NEO1: variants seen among roughly 807,000 people sequenced by gnomAD.
NEO1 encodes the protein neogenin.
A neutral mutation model predicts 159.7 loss-of-function variants in NEO1; 63 were observed. The ratio of observed to expected loss-of-function variants is 0.39; its 90% CI spans 0.32 to 0.49. The LOEUF (loss-of-function observed/expected upper bound fraction) is 0.49. NEO1 is among the 20% of genes least tolerant of loss of function. NEO1 has a pLI of 0.85. For synonymous variants in NEO1, 633 were observed against 662.0 expected, an observed-to-expected ratio of 0.96 and a Z score of 0.67; for missense variants, 1,615 against 1,831.0, an observed-to-expected ratio of 0.88 and a Z score of 2.15.
rs1567281937 is a variant in NEO1, at chr15:73,135,883, T to TTTA, written c.879-8_879-7insTTA. 16 of 1,428,426 alleles carry TTTA rather than the reference T, an allele frequency of 1.1e-5. No individual in the cohort carries two copies. The highest frequency in any genetic ancestry group is 2.7e-5 in the Admixed American group (1 of 37,338). The allele number at this position is 1,428,426 out of a possible 1,614,324, so 88.5% of individuals were successfully genotyped here. A position where few individuals can be genotyped will look rare whatever the true frequency, so the allele number is the denominator to read the frequency against. ...TGTATCTTTTTTTTTTTTTTTTTTTTAACACAGCTCTGAAAGATTGGTATT... is the reference window on the plus strand; with the variant it reads ...TGTATCTTTTTTTTTTTTTTTTTTTTTTAAACACAGCTCTGAAAGATTGGTATT... On this transcript the variant is annotated splice_polypyrimidine_tract_variant and splice_region_variant and intron_variant, in intron 4 of 28. Coordinates refer to ENST00000261908, the MANE Select transcript of NEO1 (RefSeq NM_002499.4).
At chr15:73,202,668 T>A (rs897241557) in intron 7 of NEO1, among the ~76,000 whole-genome samples, 6 of 152,210 alleles carry the variant, frequency 3.9e-5, no homozygotes, top group Non-Finnish European at 7.3e-5. Flanking sequence ...ATTAACTATC[T>A]TAACTATTGT....
At chr15:73,257,804 A>T (rs1416484682) in intron 13 of NEO1, among the ~76,000 whole-genome samples, 1 of 152,188 alleles carries the variant, frequency 6.6e-6, no homozygotes, top group African/African-American at 2.4e-5. Flanking sequence ...GGATTCTTTC[A>T]AGATCTTCAT....
At chr15:73,244,528 C>G (rs375151438) in intron 9 of NEO1, 30 bp downstream of exon 9, 3 of 1,608,080 alleles carry the variant, frequency 1.9e-6, no homozygotes, top group African/African-American at 1.3e-5. Flanking sequence ...GTCAGCACCC[C>G]CTAGAGGTAG....
intron 4 of NEO1, 48 bp downstream of exon 4, chr15:73,126,618 T>A: frequency 1.3e-6 from 2 of 1,569,864 alleles, no homozygotes; most frequent in Non-Finnish European, 1.7e-6. Context: ...GCTTGAGACT[T>A]TGTCATATCC....
At chr15:73,295,415 C>G (rs185689788) in intron 26 of NEO1, among the ~76,000 whole-genome samples, 3 of 151,740 alleles carry the variant, frequency 2.0e-5, no homozygotes, top group African/African-American at 7.2e-5. Flanking sequence ...GAGTGGATGG[C>G]AGGCACCTTC....
rs118142307 is a variant in NEO1, at chr15:73,302,010, T to C, written c.4302+553T>C. ...AACATCTTAAATTAGCTTTTCACACTAGCCCAGCTAATGGCCCCTTCCCCC... is the reference window on the plus strand; with the variant it reads ...AACATCTTAAATTAGCTTTTCACACCAGCCCAGCTAATGGCCCCTTCCCCC... On this transcript the variant is annotated intron_variant, in intron 28 of 28. Transcript: ENST00000261908. Among the ~76,000 whole-genome samples the C allele has an allele frequency of 3.3e-3, 498 of 152,336 alleles. 2 individuals carry two copies. The highest frequency in any genetic ancestry group is 5.2e-3 in the Non-Finnish European group (354 of 68,022).
intron 26 of NEO1, among the ~76,000 whole-genome samples, chr15:73,297,292 A>G (rs1330737658): frequency 6.6e-6 from 1 of 152,152 alleles, no homozygotes; most frequent in Non-Finnish European, 1.5e-5. Flanking sequence ...GCAAATGGGC[A>G]ATTTGCTTAA....
Position 73,168,384 on chromosome 15 carries a change from G to GT in NEO1, c.1016-8019_1016-8018insT, listed in dbSNP as rs554120905. The stretch of plus-strand genomic sequence containing the variant: ...TTTTTAGTAGAGACGGGGGGTGGGG[G>GT]GGGGGGGTCTCACCATGTTGGCTAG... On this transcript the variant is annotated intron_variant, in intron 5 of 28. Transcript: ENST00000261908. Among the ~76,000 whole-genome samples the GT allele has an allele frequency of 1.4e-4, 13 of 92,836 alleles. 1 individual carries two copies. The highest frequency in any genetic ancestry group is 2.1e-4 in the Non-Finnish European group (10 of 48,608). 60.9% of individuals were successfully genotyped at this position (92,836 alleles called of 152,430 possible).
intron 1 of NEO1, among the ~76,000 whole-genome samples, chr15:73,074,653 G>C (rs1328590949): frequency 6.6e-6 from 1 of 152,194 alleles, no homozygotes; most frequent in Non-Finnish European, 1.5e-5. Flanking sequence ...CATGTTTGAA[G>C]TAGTATAGGC....
chr15:73,108,329 T>C (rs1346754328), intron 1 of NEO1, among the ~76,000 whole-genome samples: 9 of 152,194 alleles, frequency 5.9e-5, no homozygotes, highest in Non-Finnish European at 1.2e-4. Flanking sequence ...ATATAAAATA[T>C]TAACTTTAGT....
At chr15:73,058,706 T>G (rs962449249) in intron 1 of NEO1, among the ~76,000 whole-genome samples, 2 of 152,188 alleles carry the variant, frequency 1.3e-5, no homozygotes, top group African/African-American at 4.8e-5. Context: ...ATTGTGAACT[T>G]TGGGTACTTA....
chr15:73,199,695 A>G (rs567966693), intron 7 of NEO1, among the ~76,000 whole-genome samples: 51 of 152,272 alleles, frequency 3.3e-4, no homozygotes, highest in Non-Finnish European at 6.3e-4. Flanking sequence ...TTTATAAAGG[A>G]CGGAAATTTA....
chr15:73,160,158 A>T (rs891188112), intron 5 of NEO1, among the ~76,000 whole-genome samples: 4 of 151,800 alleles, frequency 2.6e-5, no homozygotes, highest in Non-Finnish European at 5.9e-5. Flanking sequence ...TATACTTTTA[A>T]TTTTTCTATG....
chr15:73,052,851 G>A, intron 1 of NEO1, 46 bp downstream of exon 1: 1 of 310,742 alleles, frequency 3.2e-6, no homozygotes, highest in Non-Finnish European at 4.7e-6. Context: ...GCGCGGCACC[G>A]GCTCAGGCGG....
chr15:73,236,210 T>C (rs750563820), intron 7 of NEO1, 137 bp from the exon 8 acceptor site: 3 of 1,200,452 alleles, frequency 2.5e-6, no homozygotes, highest in Non-Finnish European at 3.5e-6. Flanking sequence ...TCTTTTTTGT[T>C]TTTTGTTTTT....
intron 22 of NEO1, among the ~76,000 whole-genome samples, chr15:73,279,494 G>A (rs771893938): frequency 6.6e-6 from 1 of 151,734 alleles, no homozygotes; most frequent in Non-Finnish European, 1.5e-5. Flanking sequence ...GATTACAAGC[G>A]CCTGCCACCA....
chr15:73,099,218 C>T (rs2070261295), intron 1 of NEO1, among the ~76,000 whole-genome samples: 1 of 151,984 alleles, frequency 6.6e-6, no homozygotes, highest in African/African-American at 2.4e-5. Context: ...TAGAGGTTTC[C>T]CCTCTTTTCT....
intron 5 of NEO1, among the ~76,000 whole-genome samples, chr15:73,154,393 AATT>A (rs1567329859): frequency 6.6e-6 from 1 of 152,142 alleles, no homozygotes; most frequent in Non-Finnish European, 1.5e-5. Context: ...ATGTACAATA[AATT>A]ATTGTTGACT....
intron 1 of NEO1, among the ~76,000 whole-genome samples, chr15:73,053,120 A>G (rs1001078571): frequency 5.3e-5 from 8 of 152,144 alleles, no homozygotes; most frequent in South Asian, 2.1e-4. Context: ...TAAGAGTGGG[A>G]CATTCTTGTG....
Sources: allele counts gnomAD v4.1 joint callset (sites outside exome capture counted in the v4.1 genomes callset), GRCh38; gene constraint gnomAD v4.1.1; transcripts MANE v1.5; gene names NCBI Gene and HGNC (gene_info 2026-07-23, HGNC 2026-07-21).